NCOA7: variants seen among roughly 807,000 people sequenced by gnomAD.
The protein encoded by NCOA7 is nuclear receptor coactivator 7.
A neutral mutation model predicts 104.3 loss-of-function variants in NCOA7; 45 were observed. The ratio of observed to expected loss-of-function variants is 0.43; its 90% CI spans 0.34 to 0.55. The LOEUF (loss-of-function observed/expected upper bound fraction) is 0.55, where lower values mean the gene tolerates loss of function less well. NCOA7 is among the 20% of genes least tolerant of loss of function. The pLI, the probability that NCOA7 is intolerant of heterozygous loss-of-function variation, is 0.02. For missense variants in NCOA7, 1,041 were observed against 1,119.7 expected (o/e 0.93, Z 1.00); for synonymous variants, 398 against 402.3 (o/e 0.99, Z 0.13).
At chr6:125,839,006 G>A (rs1035327274) in intron 2 of NCOA7, among the ~76,000 whole-genome samples, 2 of 152,148 alleles carry the variant, frequency 1.3e-5, no homozygotes, top group African/African-American at 2.4e-5. Flanking sequence ...CAGACGCATA[G>A]TGTGTTCATC....
chr6:125,790,926 T>G (rs2128542154), upstream of NCOA7: 1 of 150,840 alleles, frequency 6.6e-6, no homozygotes, highest in Middle Eastern at 3.4e-3. Flanking sequence ...CTCCTCGGCG[T>G]ACGGTCCTCC....
intron 10 of NCOA7, among the ~76,000 whole-genome samples, chr6:125,895,811 G>A (rs549400956): frequency 3.3e-5 from 5 of 151,980 alleles, no homozygotes; most frequent in African/African-American, 1.2e-4. Context: ...ACTACAGCAA[G>A]GACAGCACCA....
chr6:125,816,069 G>A (rs558474640), intron 2 of NCOA7, among the ~76,000 whole-genome samples: 7 of 152,234 alleles, frequency 4.6e-5, no homozygotes, highest in African/African-American at 1.7e-4. Flanking sequence ...GAGAACATAG[G>A]CTTAAAAACA....
chr6:125,897,775 C>T (rs958276253), intron 10 of NCOA7, among the ~76,000 whole-genome samples: 1 of 152,082 alleles, frequency 6.6e-6, no homozygotes, highest in Non-Finnish European at 1.5e-5. Flanking sequence ...CGTCTCCTGG[C>T]TTCAAGCAAT....
intron 13 of NCOA7, among the ~76,000 whole-genome samples, chr6:125,925,875 ATAC>A: frequency 6.6e-6 from 1 of 152,176 alleles, no homozygotes; most frequent in Non-Finnish European, 1.5e-5. Flanking sequence ...AAGTTGTTTT[ATAC>A]AATTTTTTTA....
intron 10 of NCOA7, chr6:125,899,900 T>C (rs1192875422): frequency 8.0e-6 from 4 of 501,120 alleles, no homozygotes; most frequent in Non-Finnish European, 8.5e-6. Flanking sequence ...GTAAGTGAGC[T>C]CTTCACAGTG....
intron 10 of NCOA7, among the ~76,000 whole-genome samples, chr6:125,905,068 G>A (rs1039944689): frequency 5.3e-5 from 8 of 152,224 alleles, no homozygotes; most frequent in African/African-American, 1.9e-4. Flanking sequence ...GTGTCCTGAG[G>A]TAGTGGAAGC....
intron 10 of NCOA7, among the ~76,000 whole-genome samples, chr6:125,912,650 A>C (rs1786684265): frequency 6.6e-6 from 1 of 152,178 alleles, no homozygotes; most frequent in Admixed American, 6.5e-5. Flanking sequence ...GTGATGGCTT[A>C]GCATTTATAT....
intron 2 of NCOA7, among the ~76,000 whole-genome samples, chr6:125,821,162 C>A (rs898739080): frequency 1.7e-4 from 26 of 152,030 alleles, no homozygotes; most frequent in African/African-American, 6.3e-4. Context: ...AGCATCTTAC[C>A]CCAGGGATGA....
At chr6:125,903,126 G>C (rs1785655168) in intron 10 of NCOA7, among the ~76,000 whole-genome samples, 3 of 152,088 alleles carry the variant, frequency 2.0e-5, no homozygotes, top group Non-Finnish European at 2.9e-5. Context: ...GTCTCCTTTG[G>C]GATAAATCCC....
intron 6 of NCOA7, among the ~76,000 whole-genome samples, chr6:125,881,507 G>A (rs1451153756): frequency 1.3e-5 from 2 of 151,766 alleles, no homozygotes; most frequent in Non-Finnish European, 1.5e-5. Context: ...CTGTCTCTAC[G>A]AAATATTTTA....
At position 125,914,141 on chromosome 6, in the gene NCOA7, G is replaced by A. The variant is rs971051061; in HGVS notation, c.2097-1192G>A. Among the ~76,000 whole-genome samples the A allele has an allele frequency of 7.2e-5, 11 of 152,288 alleles. No individual in the cohort carries two copies. The East Asian group carries it at 1.9e-3, about 27-fold the overall frequency. On this transcript the variant is annotated intron_variant, in intron 10 of 15. Transcript: ENST00000392477. ...GAAATAATTCGAACCATAGTGAAAG[G>A]CCTACACTGTATGGATAGTTACTGT...
At chr6:125,857,859 T>G (rs78313936) in intron 3 of NCOA7, among the ~76,000 whole-genome samples, 11,272 of 152,116 alleles carry the variant, frequency 0.074, 601 homozygotes, top group East Asian at 0.24. Flanking sequence ...GTGCTGGGAT[T>G]ACAGGCATGA....
At chr6:125,898,248 G>A (rs9491529) in intron 10 of NCOA7, among the ~76,000 whole-genome samples, 1 of 151,840 alleles carries the variant, frequency 6.6e-6, no homozygotes, top group South Asian at 2.1e-4. Flanking sequence ...TAAAACTATG[G>A]GTGCTAAGCT....
At chr6:125,831,154 T>C (rs550340332) in intron 2 of NCOA7, among the ~76,000 whole-genome samples, 1 of 152,338 alleles carries the variant, frequency 6.6e-6, no homozygotes, top group Admixed American at 6.5e-5. Context: ...CAGTTTCCTC[T>C]AAGTTAACCG....
chr6:125,880,834 G>T (rs1164326172), intron 5 of NCOA7, among the ~76,000 whole-genome samples: 2 of 151,920 alleles, frequency 1.3e-5, no homozygotes, highest in Non-Finnish European at 2.9e-5. Flanking sequence ...GCCTGGCCTT[G>T]CTCTCCCTTT....
At chr6:125,856,036 G>A (rs1376601689) in intron 3 of NCOA7, among the ~76,000 whole-genome samples, 7 of 152,154 alleles carry the variant, frequency 4.6e-5, no homozygotes, top group Non-Finnish European at 8.8e-5. Flanking sequence ...AGCTTGACCT[G>A]AATCACCCAT....
At chr6:125,811,865 T>C (rs1481006819) in intron 1 of NCOA7, among the ~76,000 whole-genome samples, 1 of 152,222 alleles carries the variant, frequency 6.6e-6, no homozygotes, top group Non-Finnish European at 1.5e-5. Context: ...TTGCGAATTC[T>C]GTGCTGCAGC....
chr6:125,886,733 A>G (rs1310805704), intron 8 of NCOA7, among the ~76,000 whole-genome samples: 1 of 152,276 alleles, frequency 6.6e-6, no homozygotes, highest in Non-Finnish European at 1.5e-5. Context: ...TAAGTTGTTT[A>G]AAAGTTAAAA....
Sources: gnomAD v4.1 joint callset for allele counts (sites outside exome capture counted in the v4.1 genomes callset) on GRCh38, gnomAD v4.1.1 for gene constraint, MANE v1.5 for transcripts, NCBI Gene and HGNC (gene_info 2026-07-23, HGNC 2026-07-21) for gene names.